ZSWIM5: variants seen among roughly 807,000 people sequenced by gnomAD.
ZSWIM5 encodes zinc finger SWIM-type containing 5.
A neutral mutation model predicts 119.6 loss-of-function variants in ZSWIM5; 55 were observed. The ratio of observed to expected loss-of-function variants is 0.46; its 90% CI spans 0.37 to 0.58. The LOEUF is 0.58. ZSWIM5 is among the 20% of genes least tolerant of loss of function. ZSWIM5 has a pLI of 0.00. For missense variants in ZSWIM5, 1,193 were observed against 1,512.8 expected (o/e 0.79, Z 3.51); for synonymous variants, 537 against 606.9 (o/e 0.88, Z 1.69).
At chr1:45,036,005 A>G (rs371134606) in intron 9 of ZSWIM5, 34 bp downstream of exon 9, 2 of 1,602,578 alleles carry the variant, frequency 1.2e-6, no homozygotes, top group Non-Finnish European at 1.7e-6. Context: ...TCATGGGCCA[A>G]AGACACCGTG....
chr1:45,060,289 C>T, intron 2 of ZSWIM5, 42 bp from the exon 3 acceptor site: 2 of 1,597,732 alleles, frequency 1.3e-6, no homozygotes, highest in Non-Finnish European at 1.7e-6. Context: ...CCTGAGTTCA[C>T]ATGCTACACA....
chr1:45,205,871 T>A lies in ZSWIM5; in HGVS notation c.480A>T (p.Ala160=). ...GSAPGGVAAG[A]SPGLGAGAGA... is the part of the protein sequence containing the mutation. ...CGGCCCCTGCGCCCAGCCCGGGGGA[T>A]GCCCCAGCCGCGACGCCCCCGGGGG... The change falls in exon 1 of 14, where the codon GCA becomes GCT. Residue 160 remains alanine, a synonymous_variant. Coordinates refer to ENST00000359600, the MANE Select transcript of ZSWIM5 (RefSeq NM_020883.2). The A allele has an allele frequency of 7.6e-7, 1 of 1,309,370 alleles. No individual in the cohort carries two copies. The highest frequency in any genetic ancestry group is 9.8e-7 in the Non-Finnish European group (1 of 1,023,642). The allele number at this position is 1,309,370 out of a possible 1,614,324, so 81.1% of individuals were successfully genotyped here. A position where few individuals can be genotyped will look rare whatever the true frequency, so the allele number is the denominator to read the frequency against.
At position 45,206,400 on chromosome 1, in the gene ZSWIM5, G is replaced by A. The variant is rs1401596307; in HGVS notation, c.-50C>T. On this transcript the variant is annotated 5_prime_UTR_variant, in exon 1 of 14. Transcript: ENST00000359600. ...AGGCGGCGGCGGCTGCTCGGGCTGC[G>A]GCGGAGACCCTGGCCACGGCCACGC... 2 of 1,345,638 alleles carry A rather than the reference G, an allele frequency of 1.5e-6. No individual in the cohort carries two copies. Among genetic ancestry groups the A allele is most frequent in the Non-Finnish European group, 9.5e-7 (1 of 1,052,204 alleles). The allele number at this position is 1,345,638 out of a possible 1,614,324, so 83.4% of individuals were successfully genotyped here.
chr1:45,140,840 T>C (rs1430599081), intron 1 of ZSWIM5, among the ~76,000 whole-genome samples: 1 of 152,198 alleles, frequency 6.6e-6, no homozygotes, highest in African/African-American at 2.4e-5. Flanking sequence ...AAGTCATTAG[T>C]AGCAGACAGA....
chr1:45,152,302 G>A (rs547689038), intron 1 of ZSWIM5, among the ~76,000 whole-genome samples: 8 of 152,314 alleles, frequency 5.3e-5, no homozygotes, highest in Admixed American at 1.3e-4. Context: ...AACCAGTTAC[G>A]CAAGTGCAAT....
chr1:45,174,498 C>T (rs1645964386), intron 1 of ZSWIM5, among the ~76,000 whole-genome samples: 1 of 150,926 alleles, frequency 6.6e-6, no homozygotes, highest in South Asian at 2.1e-4. Context: ...TTTGGGAAGC[C>T]GAGGTGGGCG....
chr1:45,148,915 ACAC>A (rs1645778501), intron 1 of ZSWIM5, among the ~76,000 whole-genome samples: 1 of 152,222 alleles, frequency 6.6e-6, no homozygotes, highest in African/African-American at 2.4e-5. Context: ...TTGTATCAAC[ACAC>A]CATAAGATCA....
chr1:45,020,835 A>G (rs1239637750), intron 11 of ZSWIM5, 47 bp from the exon 12 acceptor site: 2 of 1,590,248 alleles, frequency 1.3e-6, no homozygotes, highest in African/African-American at 1.4e-5. Flanking sequence ...AAGTTTTACT[A>G]AACAGTCAGC....
Position 45,206,253 on chromosome 1 carries a change from G to A in ZSWIM5, c.98C>T (p.Pro33Leu). The A allele has an allele frequency of 6.3e-7, 1 of 1,585,334 alleles. No homozygotes were observed. The highest frequency in any genetic ancestry group is 8.6e-7 in the Non-Finnish European group (1 of 1,167,142). Reference protein sequence around the residue: ...CSWPSPQAHHPRGSPGAAGGG... With the variant: ...CSWPSPQAHHLRGSPGAAGGG... ...GCCGGCTGCCCCAGGCGAACCGCGAGGGTGATGAGCCTGCGGGCTGGGCCA... is the reference window on the plus strand; with the variant it reads ...GCCGGCTGCCCCAGGCGAACCGCGAAGGTGATGAGCCTGCGGGCTGGGCCA... Residue 33 changes from proline (P) to leucine (L), a missense_variant, in exon 1 of 14, where the codon CCT becomes CTT. This residue lies in a region of ZSWIM5 where 232 missense variants were observed against 222.9 expected (regional missense o/e 1.04). Coordinates refer to ENST00000359600, the MANE Select transcript of ZSWIM5 (RefSeq NM_020883.2).
rs1409838646 is a variant in ZSWIM5 at position 45,129,183 on chromosome 1, CAG to C, written c.596-40948_596-40947del. 4.7e-5 allele frequency among the ~76,000 whole-genome samples: 5 copies of C among 105,966 alleles called. No homozygotes were observed. The East Asian group carries it at 1.6e-3, about 33-fold the overall frequency. The allele number at this position is 105,966 out of a possible 152,430, so 69.5% of individuals were successfully genotyped here. ...TTTTTTTTTTTTTTTTTTTTTGAGACAGAGTCTCGCTGTTGCCCAGGCTGAAG... is the reference window on the plus strand; with the variant it reads ...TTTTTTTTTTTTTTTTTTTTTGAGACAGTCTCGCTGTTGCCCAGGCTGAAG... On this transcript the variant is annotated intron_variant, in intron 1 of 13. Coordinates refer to ENST00000359600, the MANE Select transcript of ZSWIM5 (RefSeq NM_020883.2).
At chr1:45,132,933 G>A (rs1198233303) in intron 1 of ZSWIM5, among the ~76,000 whole-genome samples, 3 of 152,276 alleles carry the variant, frequency 2.0e-5, no homozygotes, top group Non-Finnish European at 2.9e-5. Flanking sequence ...TCCCTACAAA[G>A]GACATGAACT....
intron 1 of ZSWIM5, among the ~76,000 whole-genome samples, chr1:45,128,347 A>G (rs551726088): frequency 6.6e-6 from 1 of 152,148 alleles, no homozygotes; most frequent in South Asian, 2.1e-4. Context: ...GGCACACACC[A>G]TGCCCAGCTA....
chr1:45,074,535 T>C (rs1195150094), intron 2 of ZSWIM5, among the ~76,000 whole-genome samples: 3 of 152,004 alleles, frequency 2.0e-5, no homozygotes, highest in Non-Finnish European at 4.4e-5. Context: ...TAGCCACTAA[T>C]GATCCTTTGA....
intron 2 of ZSWIM5, among the ~76,000 whole-genome samples, chr1:45,066,063 C>T (rs2149002656): frequency 7.9e-6 from 1 of 125,982 alleles, no homozygotes; most frequent in South Asian, 2.8e-4. Context: ...CTTCCTGTGT[C>T]CATGTGTTCT....
At chr1:45,122,204 G>A (rs975961847) in intron 1 of ZSWIM5, among the ~76,000 whole-genome samples, 1 of 152,190 alleles carries the variant, frequency 6.6e-6, no homozygotes, top group African/African-American at 2.4e-5. Context: ...TGGGTTCAAA[G>A]GCTGACTCTG....
intron 1 of ZSWIM5, among the ~76,000 whole-genome samples, chr1:45,100,232 C>T (rs1451221372): frequency 1.3e-5 from 2 of 152,192 alleles, no homozygotes; most frequent in African/African-American, 2.4e-5. Flanking sequence ...GCAAAAATCA[C>T]AAGCATTCCT....
intron 1 of ZSWIM5, among the ~76,000 whole-genome samples, chr1:45,118,523 G>T (rs1035623759): frequency 1.3e-4 from 20 of 152,050 alleles, no homozygotes; most frequent in Admixed American, 4.6e-4. Context: ...AGGCAGAGGT[G>T]TGAGTCCAGG....
chr1:45,201,320 C>G (rs1280526490), intron 1 of ZSWIM5, among the ~76,000 whole-genome samples: 1 of 152,166 alleles, frequency 6.6e-6, no homozygotes, highest in Non-Finnish European at 1.5e-5. Context: ...TACTTTGTTA[C>G]AGCAGCCATA....
Position 45,196,033 on chromosome 1 carries a change from A to G in ZSWIM5, c.595+9723T>C, listed in dbSNP as rs1646120148. Among the ~76,000 whole-genome samples the G allele has an allele frequency of 3.6e-5, 4 of 110,258 alleles. No individual in the cohort carries two copies. The South Asian group carries it at 1.1e-3, about 30-fold the overall frequency. 72.3% of individuals were successfully genotyped at this position (110,258 alleles called of 152,430 possible). Reference sequence around the variant, plus strand: ...CAGGTGAGCACCGTTACACCCAGCTAGTTTTTTTTTTTTTTTTTTTTTTTT... The same window carrying G: ...CAGGTGAGCACCGTTACACCCAGCTGGTTTTTTTTTTTTTTTTTTTTTTTT... On this transcript the variant is annotated intron_variant, in intron 1 of 13. Coordinates refer to ENST00000359600, the MANE Select transcript of ZSWIM5 (RefSeq NM_020883.2).
Sources: gnomAD v4.1 joint callset for allele counts (sites outside exome capture counted in the v4.1 genomes callset) on GRCh38, gnomAD v4.1.1 for gene constraint, gnomAD v4.1.1 regional missense constraint, MANE v1.5 for transcripts, NCBI Gene and HGNC (gene_info 2026-07-23, HGNC 2026-07-21) for gene names.